The following SUMF1 variants were observed in gnomAD, a reference collection of about 807,000 sequenced individuals.
The protein encoded by SUMF1 is formylglycine-generating enzyme.
A neutral mutation model predicts 47.6 loss-of-function variants in SUMF1; 48 were observed. The ratio of observed to expected loss-of-function variants is 1.01; its 90% CI spans 0.80 to 1.28. SUMF1 has a LOEUF of 1.28. Among genes scored for constraint, SUMF1 ranks in the 50% most tolerant of loss-of-function variants. The pLI, the probability that SUMF1 is intolerant of heterozygous loss-of-function variation, is 0.00. For missense variants in SUMF1, 571 were observed against 485.4 expected, an observed-to-expected ratio of 1.18 and a Z score of -1.66; for synonymous variants, 230 against 192.1, an observed-to-expected ratio of 1.20 and a Z score of -1.63.
Position 4,183,320 on chromosome 3 carries a change from C to T in SUMF1, c.1015-114575G>A, listed in dbSNP as rs569006620. On this transcript the variant is annotated intron_variant and NMD_transcript_variant, in intron 8 of 12. Transcript: ENST00000448413. ...AAGTTCATTGAAATCTAATCATGTC[C>T]TTCTCCTTTATGTATTAAAATGTGA... Among the ~76,000 whole-genome samples, 23 of 152,212 alleles carry T rather than the reference C, an allele frequency of 1.5e-4. No individual in the cohort carries two copies. In the South Asian group the frequency reaches 4.8e-3, roughly 32 times the overall value.
At chr3:4,271,466 T>TATAGATAGACAG (rs1553615474) in intron 8 of SUMF1, among the ~76,000 whole-genome samples, 26 of 108,374 alleles carry the variant, frequency 2.4e-4, no homozygotes, top group Non-Finnish European at 3.6e-4. Context: ...TTATACTATC[T>TATAGATAGACAG]ATAGATAGAT....
chr3:4,441,906 A>G (rs1035930714), intron 3 of SUMF1, among the ~76,000 whole-genome samples: 4 of 152,240 alleles, frequency 2.6e-5, no homozygotes, highest in African/African-American at 9.6e-5. Flanking sequence ...ACTAGAGAGC[A>G]ATACCCAAAA....
intron 8 of SUMF1, among the ~76,000 whole-genome samples, chr3:4,318,412 A>G (rs972414681): frequency 9.2e-5 from 14 of 152,352 alleles, no homozygotes; most frequent in South Asian, 4.1e-4. Flanking sequence ...TGATAAAAGC[A>G]GTGAACAGAC....
chr3:4,253,703 C>G (rs975352631), intron 8 of SUMF1, among the ~76,000 whole-genome samples: 1 of 149,510 alleles, frequency 6.7e-6, no homozygotes, highest in African/African-American at 2.5e-5. Context: ...CCGCCATTGG[C>G]CAGGCTTGAT....
chr3:4,424,908 C>T (rs1310767483), intron 3 of SUMF1, among the ~76,000 whole-genome samples: 3 of 152,156 alleles, frequency 2.0e-5, no homozygotes, highest in African/African-American at 7.2e-5. Context: ...AGCACTGCTG[C>T]TATTTTAGGC....
At chr3:4,197,333 T>C (rs1695450858) in intron 8 of SUMF1, among the ~76,000 whole-genome samples, 1 of 152,136 alleles carries the variant, frequency 6.6e-6, no homozygotes, top group South Asian at 2.1e-4. Context: ...CAGTATGGGC[T>C]CAAGTGATCC....
chr3:4,072,435 G>T lies in SUMF1; in HGVS notation c.1015-3690C>A, dbSNP rs145262178. 6.6e-3 allele frequency among the ~76,000 whole-genome samples: 998 copies of T among 152,142 alleles called. 37 individuals carry two copies. The highest frequency in any genetic ancestry group is 0.052 in the Admixed American group (789 of 15,294). ...CAAAACGCCCCTTCTCCTCCTGAGG[G>T]TCACAACTCCTCACCAGCAAGGGAA... On this transcript the variant is annotated intron_variant and NMD_transcript_variant, in intron 8 of 12. Transcript: ENST00000448413.
At chr3:4,312,794 TTA>T (rs1698462310) in intron 8 of SUMF1, 1 of 1,358,784 alleles carries the variant, frequency 7.4e-7, no homozygotes, top group Non-Finnish European at 1.0e-6. Flanking sequence ...TGTCCTGTTT[TTA>T]TATATGTTAG....
At chr3:4,174,269 T>C (rs906727570) in intron 8 of SUMF1, among the ~76,000 whole-genome samples, 1 of 144,736 alleles carries the variant, frequency 6.9e-6, no homozygotes, top group Admixed American at 7.4e-5. Context: ...GGCAGAAGAA[T>C]GGCATGACCC....
At chr3:4,260,037 A>G (rs1266074808) in intron 8 of SUMF1, among the ~76,000 whole-genome samples, 3 of 149,244 alleles carry the variant, frequency 2.0e-5, no homozygotes, top group Non-Finnish European at 4.5e-5. Flanking sequence ...AAAAAAAAAA[A>G]GAGTAATGAT....
rs78670981 is a variant in SUMF1 at position 4,180,936 on chromosome 3, A to C, written c.1015-112191T>G. On this transcript the variant is annotated intron_variant and NMD_transcript_variant, in intron 8 of 12. Coordinates refer to the SUMF1 transcript ENST00000448413. Reference sequence around the variant, plus strand: ...CTAAAATACACTTCTCTTTGAGAACACAAGGAAAAACATGCTTACAATTCA... The same window carrying C: ...CTAAAATACACTTCTCTTTGAGAACCCAAGGAAAAACATGCTTACAATTCA... Among the ~76,000 whole-genome samples, 20 of 152,316 alleles carry C rather than the reference A, an allele frequency of 1.3e-4. No homozygotes were observed. In the East Asian group the frequency reaches 3.1e-3, roughly 23 times the overall value.
chr3:4,318,375 C>T (rs1481084978), intron 8 of SUMF1, among the ~76,000 whole-genome samples: 1 of 152,130 alleles, frequency 6.6e-6, no homozygotes, highest in Non-Finnish European at 1.5e-5. Context: ...AGACACAAAG[C>T]ATTTGACAAC....
chr3:4,087,923 C>G (rs937978896), intron 8 of SUMF1, among the ~76,000 whole-genome samples: 1 of 151,728 alleles, frequency 6.6e-6, no homozygotes, highest in Non-Finnish European at 1.5e-5. Context: ...TTGTTAACAG[C>G]CTGAAAAAGT....
At chr3:4,332,904 AG>A (rs1699077848) in intron 8 of SUMF1, among the ~76,000 whole-genome samples, 1 of 152,150 alleles carries the variant, frequency 6.6e-6, no homozygotes. Context: ...TGGCTCCAGG[AG>A]GCAACAAGCA....
intron 8 of SUMF1, among the ~76,000 whole-genome samples, chr3:4,199,112 T>C (rs978081612): frequency 6.6e-6 from 1 of 152,124 alleles, no homozygotes; most frequent in Non-Finnish European, 1.5e-5. Flanking sequence ...TTTAGAACTT[T>C]CTATCACTCA....
At position 4,428,782 on chromosome 3, in the gene SUMF1, T is replaced by C. The variant is rs1351026413; in HGVS notation, c.520-8636A>G. 9.0e-5 allele frequency among the ~76,000 whole-genome samples: 13 copies of C among 144,904 alleles called. No individual in the cohort carries two copies. The East Asian group carries it at 2.7e-3, about 30-fold the overall frequency. ...TTACATTGAAAAAACAAAAGCAATA[T>C]CAAATTAATGTTCATTAAAAATTAC... is the stretch of plus-strand genomic sequence containing the variant. On this transcript the variant is annotated intron_variant, in intron 3 of 8. Coordinates refer to ENST00000272902, the MANE Select transcript of SUMF1 (RefSeq NM_182760.4).
At chr3:4,040,490 C>G (rs317583) in intron 9 of SUMF1, among the ~76,000 whole-genome samples, 149,931 of 152,268 alleles carry the variant, frequency 0.98, 73,857 homozygotes, top group Middle Eastern at 1. Context: ...TGAAGATATA[C>G]GGGATATATT....
intron 8 of SUMF1, among the ~76,000 whole-genome samples, chr3:4,179,956 C>G (rs1695055981): frequency 6.6e-6 from 1 of 152,180 alleles, no homozygotes. Flanking sequence ...CACATCATCA[C>G]TGGTCATTAG....
chr3:4,432,644 G>GTTGTGCTC (rs1388218040), intron 3 of SUMF1, among the ~76,000 whole-genome samples: 45 of 152,114 alleles, frequency 3.0e-4, no homozygotes, highest in African/African-American at 1.1e-3. Context: ...ATAAATAAAA[G>GTTGTGCTC]ACCCAAGAGC....
Sources: gnomAD v4.1 joint callset for allele counts (sites outside exome capture counted in the v4.1 genomes callset) on GRCh38, gnomAD v4.1.1 for gene constraint, MANE v1.5 for transcripts, NCBI Gene and HGNC (gene_info 2026-07-23, HGNC 2026-07-21) for gene names.